NT5C2: variants seen among roughly 807,000 people sequenced by gnomAD.
NT5C2 encodes the protein cytosolic purine 5'-nucleotidase.
A neutral mutation model predicts 76.1 loss-of-function variants in NT5C2; 58 were observed. That is an observed-to-expected ratio of 0.76 (90% CI 0.62 to 0.95). The LOEUF (loss-of-function observed/expected upper bound fraction) is 0.95, where lower values mean the gene tolerates loss of function less well. Among genes scored for constraint, NT5C2 ranks in the 40% least tolerant of loss-of-function variants. The pLI is 0.00. For synonymous variants in NT5C2, 229 were observed against 237.4 expected (o/e 0.96, Z 0.32); for missense variants, 478 against 690.3 (o/e 0.69, Z 3.45).
chr10:103,183,547 G>T (rs1333090782), intron 1 of NT5C2, among the ~76,000 whole-genome samples: 3 of 118,848 alleles, frequency 2.5e-5, no homozygotes, highest in Non-Finnish European at 3.3e-5. Context: ...AGTCTCTTTC[G>T]CTCTGTCTTC....
chr10:103,117,901 T>G (rs1372238275), intron 4 of NT5C2, among the ~76,000 whole-genome samples: 1 of 151,876 alleles, frequency 6.6e-6, no homozygotes, highest in Admixed American at 6.6e-5. Flanking sequence ...CGAGCTGGGT[T>G]TAAAAAAAAA....
intron 1 of NT5C2, among the ~76,000 whole-genome samples, chr10:103,188,859 G>A (rs1156772119): frequency 6.6e-6 from 1 of 152,042 alleles, no homozygotes; most frequent in Non-Finnish European, 1.5e-5. Flanking sequence ...AAAATTAGCC[G>A]GGCACAGTGT....
intron 4 of NT5C2, among the ~76,000 whole-genome samples, chr10:103,134,664 GAGA>G (rs1432369868): frequency 1.3e-5 from 2 of 152,162 alleles, no homozygotes; most frequent in Non-Finnish European, 2.9e-5. Context: ...TTGGAGCTGT[GAGA>G]AGAGGATCAC....
chr10:103,139,348 A>G (rs1474106790), intron 4 of NT5C2, 58 bp downstream of exon 4: 6 of 1,149,322 alleles, frequency 5.2e-6, no homozygotes, highest in Non-Finnish European at 7.5e-6. Flanking sequence ...GCCTACTGTG[A>G]ACCCACTGTG....
intron 4 of NT5C2, among the ~76,000 whole-genome samples, chr10:103,127,946 A>G (rs569590897): frequency 1.3e-5 from 2 of 151,772 alleles, no homozygotes; most frequent in East Asian, 3.9e-4. Context: ...CTCCCGCCTC[A>G]GCCTCCCAAA....
At chr10:103,152,469 G>A (rs1029539682) in intron 3 of NT5C2, among the ~76,000 whole-genome samples, 3 of 152,116 alleles carry the variant, frequency 2.0e-5, no homozygotes, top group Admixed American at 1.3e-4. Context: ...ATTAAAATAA[G>A]TTGTAAATGT....
chr10:103,159,516 T>C (rs560544491), intron 3 of NT5C2, among the ~76,000 whole-genome samples: 218 of 151,658 alleles, frequency 1.4e-3, no homozygotes, highest in Non-Finnish European at 2.2e-3. Flanking sequence ...CTAAGCATGG[T>C]GGTACATCTA....
At chr10:103,135,372 A>C (rs1438380100) in intron 4 of NT5C2, among the ~76,000 whole-genome samples, 2 of 152,120 alleles carry the variant, frequency 1.3e-5, no homozygotes, top group Admixed American at 6.6e-5. Context: ...AAAAAGGGGA[A>C]TTTCCCTGCA....
intron 4 of NT5C2, among the ~76,000 whole-genome samples, chr10:103,118,129 A>C (rs766561701): frequency 2.0e-5 from 3 of 152,180 alleles, no homozygotes; most frequent in Non-Finnish European, 4.4e-5. Flanking sequence ...TATGTGCTTA[A>C]TTTTGCAAGT....
At chr10:103,138,220 A>T (rs948727950) in intron 4 of NT5C2, among the ~76,000 whole-genome samples, 1 of 152,216 alleles carries the variant, frequency 6.6e-6, no homozygotes, top group African/African-American at 2.4e-5. Context: ...AAATTCCTGC[A>T]TATACCCTAG....
chr10:103,165,255 A>G (rs1208687515), intron 3 of NT5C2, among the ~76,000 whole-genome samples: 1 of 152,080 alleles, frequency 6.6e-6, no homozygotes, highest in Non-Finnish European at 1.5e-5. Context: ...GCATTTTGGG[A>G]GGCCAAGGCG....
At chr10:103,177,483 G>A (rs1249626485) in intron 2 of NT5C2, among the ~76,000 whole-genome samples, 1 of 152,142 alleles carries the variant, frequency 6.6e-6, no homozygotes, top group Non-Finnish European at 1.5e-5. Context: ...TCTTGAAAAT[G>A]CTAACATCGT....
chr10:103,147,896 G>A (rs1008759723), intron 3 of NT5C2, among the ~76,000 whole-genome samples: 6 of 151,972 alleles, frequency 3.9e-5, no homozygotes, highest in African/African-American at 1.2e-4. Flanking sequence ...ATTAGATAGC[G>A]GTATTGGTTG....
At chr10:103,153,239 G>C (rs548407503) in intron 3 of NT5C2, 1 of 1,206,866 alleles carries the variant, frequency 8.3e-7, no homozygotes, top group Non-Finnish European at 1.1e-6. Context: ...TCATGCAGAT[G>C]ATACCTCTTC....
chr10:103,146,852 G>A (rs1227212658), intron 3 of NT5C2, among the ~76,000 whole-genome samples: 1 of 152,186 alleles, frequency 6.6e-6, no homozygotes, highest in Non-Finnish European at 1.5e-5. Context: ...TCGCACTAAT[G>A]CCAAATTAAT....
intron 3 of NT5C2, among the ~76,000 whole-genome samples, chr10:103,142,373 T>G (rs1236312640): frequency 5.3e-5 from 8 of 152,090 alleles, no homozygotes. Context: ...CAGGGTAAGT[T>G]TTAATCATCT....
intron 4 of NT5C2, among the ~76,000 whole-genome samples, chr10:103,126,150 C>T (rs1448245635): frequency 7.9e-5 from 12 of 151,802 alleles, no homozygotes; most frequent in African/African-American, 9.7e-5. Flanking sequence ...CTAGAGCACC[C>T]GACAGGTCTA....
chr10:103,142,988 A>C (rs1288121999), intron 3 of NT5C2, among the ~76,000 whole-genome samples: 4 of 146,230 alleles, frequency 2.7e-5, no homozygotes, highest in African/African-American at 9.9e-5. Flanking sequence ...GATTCCATCA[A>C]AAAAAAAAAA....
chr10:103,129,544 C>A (rs2077556415), intron 4 of NT5C2, among the ~76,000 whole-genome samples: 1 of 131,340 alleles, frequency 7.6e-6, no homozygotes, highest in African/African-American at 2.8e-5. Flanking sequence ...AGCCCCCCGC[C>A]CGGCCAGCCG....
Sources: gnomAD v4.1 joint callset for allele counts (sites outside exome capture counted in the v4.1 genomes callset) on GRCh38, gnomAD v4.1.1 for gene constraint, MANE v1.5 for transcripts, NCBI Gene and HGNC (gene_info 2026-07-23, HGNC 2026-07-21) for gene names.